Variants in TFDP1 observed in about 807,000 individuals in gnomAD.
TFDP1 encodes transcription factor Dp-1, also known as DRTF1-polypeptide 1.
Under a neutral mutation model 48.0 loss-of-function variants are expected in TFDP1, and 6 were observed. That is an observed-to-expected ratio of 0.13 (90% CI 0.07 to 0.25). The LOEUF (loss-of-function observed/expected upper bound fraction) is 0.25. Ranked by LOEUF, TFDP1 falls within the 10% of genes least tolerant of loss-of-function variation. The pLI, the probability that TFDP1 is intolerant of heterozygous loss-of-function variation, is 1.00. For synonymous variants in TFDP1, 201 were observed against 211.6 expected (o/e 0.95, Z 0.44); for missense variants, 335 against 543.0 (o/e 0.62, Z 3.81).
At chr13:113,621,889 A>G (rs949571855) in intron 3 of TFDP1, among the ~76,000 whole-genome samples, 2 of 152,222 alleles carry the variant, frequency 1.3e-5, no homozygotes, top group African/African-American at 4.8e-5. Context: ...TCTCCCTGTG[A>G]TGCTGTGCTT....
intron 5 of TFDP1, 172 bp downstream of exon 5, chr13:113,631,916 G>A (rs1027392578): frequency 2.1e-5 from 18 of 870,360 alleles, no homozygotes; most frequent in East Asian, 2.9e-5. Flanking sequence ...GTGTGCAGCC[G>A]AGGCGCACTG....
At chr13:113,635,529 C>G (rs958887359) in intron 8 of TFDP1, among the ~76,000 whole-genome samples, 1 of 152,180 alleles carries the variant, frequency 6.6e-6, no homozygotes, top group African/African-American at 2.4e-5. Context: ...AGGGCCTATT[C>G]CCCCAGAGGA....
chr13:113,626,783 G>C (rs891398286), intron 4 of TFDP1, among the ~76,000 whole-genome samples: 1 of 152,068 alleles, frequency 6.6e-6, no homozygotes, highest in African/African-American at 2.4e-5. Flanking sequence ...TTTTTGTTTT[G>C]CTTGATAATT....
chr13:113,603,410 G>C (rs749378665), intron 2 of TFDP1, among the ~76,000 whole-genome samples: 1 of 152,252 alleles, frequency 6.6e-6, no homozygotes, highest in African/African-American at 2.4e-5. Flanking sequence ...TGCAGCTTCA[G>C]GTTGTGAGAA....
At chr13:113,592,229 C>T (rs2048163910) in intron 2 of TFDP1, among the ~76,000 whole-genome samples, 1 of 152,236 alleles carries the variant, frequency 6.6e-6, no homozygotes, top group African/African-American at 2.4e-5. Flanking sequence ...GATCTTGGCT[C>T]ACCACAACCT....
intron 2 of TFDP1, among the ~76,000 whole-genome samples, chr13:113,593,334 G>A (rs2048195813): frequency 7.4e-6 from 1 of 134,610 alleles, no homozygotes; most frequent in Non-Finnish European, 1.6e-5. Flanking sequence ...CCTCAGCCCT[G>A]CCCAGGTGAC....
chr13:113,634,843 ATGTGCCTGTGTGCGTGCGTGCG>A (rs1176522856), intron 8 of TFDP1, among the ~76,000 whole-genome samples: 13 of 147,574 alleles, frequency 8.8e-5, no homozygotes, highest in South Asian at 2.2e-4. Flanking sequence ...GTGTGTGTGC[ATGTGCCTGTGTGCGTGCGTGCG>A]TGTGCCTGTG....
intron 2 of TFDP1, among the ~76,000 whole-genome samples, chr13:113,609,484 G>T (rs1417585519): frequency 6.6e-6 from 1 of 152,102 alleles, no homozygotes; most frequent in African/African-American, 2.4e-5. Flanking sequence ...TGGTCCTCGG[G>T]CTTACGGGCA....
At chr13:113,629,853 A>G (rs2049287466) in intron 4 of TFDP1, among the ~76,000 whole-genome samples, 1 of 152,158 alleles carries the variant, frequency 6.6e-6, no homozygotes, top group Non-Finnish European at 1.5e-5. Flanking sequence ...TTTTGGGGCC[A>G]AGATCCAGTG....
intron 3 of TFDP1, among the ~76,000 whole-genome samples, chr13:113,620,931 AATG>A (rs1307497830): frequency 6.6e-6 from 1 of 152,228 alleles, no homozygotes; most frequent in African/African-American, 2.4e-5. Context: ...ATCACTTCCT[AATG>A]ATCTGTCTTG....
At chr13:113,632,849 G>A (rs2049374214) in intron 5 of TFDP1, among the ~76,000 whole-genome samples, 2 of 152,244 alleles carry the variant, frequency 1.3e-5, no homozygotes, top group South Asian at 4.1e-4. Flanking sequence ...GCTGATTTGG[G>A]TCCTGGGGAC....
chr13:113,586,106 C>T, intron 2 of TFDP1: 1 of 390,616 alleles, frequency 2.6e-6, no homozygotes, highest in Non-Finnish European at 4.6e-6. Context: ...CTGACTTTTT[C>T]CTTATCTTTA....
intron 10 of TFDP1, chr13:113,637,323 G>T: frequency 3.3e-6 from 1 of 304,190 alleles, no homozygotes; most frequent in South Asian, 2.9e-5. Context: ...TTCCCTGAGA[G>T]GGTCAGAGAT....
At chr13:113,586,753 G>A (rs2048014882) in intron 2 of TFDP1, among the ~76,000 whole-genome samples, 1 of 152,210 alleles carries the variant, frequency 6.6e-6, no homozygotes, top group South Asian at 2.1e-4. Flanking sequence ...TGCCCTCCCT[G>A]ACCTGCGACC....
At chr13:113,638,258 C>A (rs752376196) in intron 11 of TFDP1, among the ~76,000 whole-genome samples, 1 of 152,030 alleles carries the variant, frequency 6.6e-6, no homozygotes, top group Admixed American at 6.6e-5. Flanking sequence ...TCACAGCGCA[C>A]GTATTTTTCA....
rs1245081095 is a variant in TFDP1 at position 113,631,756 on chromosome 13, C to T, written c.308+12C>T. ...CCTTGGTCTGCCGGGTGAGCACTTC[C>T]CTCTGGACCCTTAGAGTTGTAGGAC... On this transcript the variant is annotated intron_variant, in intron 5 of 11. Transcript: ENST00000375370. The T allele has an allele frequency of 1.9e-6, 3 of 1,613,446 alleles. No individual in the cohort carries two copies. Among genetic ancestry groups the T allele is most frequent in the Middle Eastern group, 3.3e-4 (2 of 6,048 alleles).
At chr13:113,625,301 C>CAGGTGTCTT (rs2049116357) in intron 4 of TFDP1, among the ~76,000 whole-genome samples, 6 of 116,374 alleles carry the variant, frequency 5.2e-5, no homozygotes, top group Non-Finnish European at 8.7e-5. Flanking sequence ...TCAGGTGTCT[C>CAGGTGTCTT]TCACGTGTCC....
At chr13:113,626,913 G>A (rs1195952576) in intron 4 of TFDP1, among the ~76,000 whole-genome samples, 1 of 152,088 alleles carries the variant, frequency 6.6e-6, no homozygotes, top group South Asian at 2.1e-4. Context: ...CTTTACTGCC[G>A]GTGTGAATAC....
In TFDP1 at chr13:113,623,723, C is replaced by T. The variant is rs11616248; in HGVS notation, c.186+437C>T. ...GGATAGGGCCCTGGCCGTGGCTGTG[C>T]GTTTGCCCCGGGGCAGTGACAGGGC... is the stretch of plus-strand genomic sequence containing the variant. On this transcript the variant is annotated intron_variant, in intron 4 of 11. Transcript: ENST00000375370. The surrounding 1 kb of genome is among the most constrained non-coding windows in gnomAD (Gnocchi z 5.2). Among the ~76,000 whole-genome samples the T allele has an allele frequency of 0.19, 29,107 of 152,156 alleles. 3,287 individuals carry two copies. The highest frequency in any genetic ancestry group is 0.32 in the African/African-American group (13,134 of 41,500).
Sources: allele counts gnomAD v4.1 joint callset (sites outside exome capture counted in the v4.1 genomes callset), GRCh38; gene constraint gnomAD v4.1.1; non-coding constraint Gnocchi (gnomAD v3.1); transcripts MANE v1.5; gene names NCBI Gene and HGNC (gene_info 2026-07-23, HGNC 2026-07-21).